CDH8: variants seen among roughly 807,000 people sequenced by gnomAD.
The protein encoded by CDH8 is cadherin-8.
CDH8 carries 17 observed loss-of-function variants against 68.1 expected under a neutral mutation model. The observed-to-expected ratio is 0.25, with a 90% CI of 0.17 to 0.37. The LOEUF (loss-of-function observed/expected upper bound fraction) is 0.37. CDH8 is among the 10% of genes least tolerant of loss of function. The pLI, the probability that CDH8 is intolerant of heterozygous loss-of-function variation, is 1.00. For missense variants in CDH8, 763 were observed against 999.3 expected, an observed-to-expected ratio of 0.76 and a Z score of 3.19; for synonymous variants, 372 against 365.1, an observed-to-expected ratio of 1.02 and a Z score of -0.21.
chr16:62,028,705 GC>G (rs1306662835), intron 1 of CDH8, among the ~76,000 whole-genome samples: 3 of 150,474 alleles, frequency 2.0e-5, no homozygotes, highest in Non-Finnish European at 1.5e-5. Flanking sequence ...CTTCTGTTGG[GC>G]TTTTTAAAGG....
intron 4 of CDH8, among the ~76,000 whole-genome samples, chr16:61,835,311 C>T (rs1329735375): frequency 6.6e-6 from 1 of 151,848 alleles, no homozygotes; most frequent in Non-Finnish European, 1.5e-5. Flanking sequence ...TATTCTTAGA[C>T]TAAAAAAACT....
chr16:61,655,254 GA>G (rs1157616373), intron 11 of CDH8, among the ~76,000 whole-genome samples: 2 of 152,098 alleles, frequency 1.3e-5, no homozygotes, highest in African/African-American at 4.8e-5. Context: ...TGATGGAATT[GA>G]AAAAGGCACT....
At chr16:61,732,122 G>A (rs551842116) in intron 8 of CDH8, among the ~76,000 whole-genome samples, 17 of 151,452 alleles carry the variant, frequency 1.1e-4, no homozygotes, top group African/African-American at 3.6e-4. Flanking sequence ...GTGAAATATG[G>A]GACACCATTA....
chr16:61,716,383 C>T (rs1322852692), intron 9 of CDH8, among the ~76,000 whole-genome samples: 1 of 151,656 alleles, frequency 6.6e-6, no homozygotes, highest in Non-Finnish European at 1.5e-5. Context: ...GAAGTCTGGT[C>T]TAAACATCAC....
chr16:61,950,315 G>T (rs1964872726), intron 2 of CDH8, among the ~76,000 whole-genome samples: 1 of 152,156 alleles, frequency 6.6e-6, no homozygotes, highest in Non-Finnish European at 1.5e-5. Flanking sequence ...TTTTAGCTGA[G>T]AAGCAGCTCT....
chr16:61,935,647 T>C (rs1597076348), intron 2 of CDH8, among the ~76,000 whole-genome samples: 1 of 152,214 alleles, frequency 6.6e-6, no homozygotes, highest in African/African-American at 2.4e-5. Context: ...TTCATTTTTC[T>C]CTTTGGCTTT....
At chr16:61,879,953 T>C (rs1963538853) in intron 3 of CDH8, among the ~76,000 whole-genome samples, 1 of 151,796 alleles carries the variant, frequency 6.6e-6, no homozygotes, top group Non-Finnish European at 1.5e-5. Context: ...TGAGACAGAG[T>C]CTTGCTCTGT....
intron 2 of CDH8, among the ~76,000 whole-genome samples, chr16:61,908,981 T>C (rs1964112412): frequency 6.6e-6 from 1 of 152,100 alleles, no homozygotes; most frequent in Non-Finnish European, 1.5e-5. Flanking sequence ...AATTCTCATA[T>C]TATACCAAAG....
rs1596845282 is a variant in CDH8 at position 61,665,758 on chromosome 16, T to TCCTA, written c.1655-10038_1655-10037insTAGG. Among the ~76,000 whole-genome samples the TCCTA allele has an allele frequency of 8.0e-5, 5 of 62,168 alleles. No individual in the cohort carries two copies. In the East Asian group the frequency reaches 2.4e-3, roughly 30 times the overall value. The allele number at this position is 62,168 out of a possible 152,430, so 40.8% of individuals were successfully genotyped here. A position where few individuals can be genotyped will look rare whatever the true frequency, so the allele number is the denominator to read the frequency against. On this transcript the variant is annotated intron_variant, in intron 10 of 11. Transcript: ENST00000577390. ...TCCCACAGTCTGAATTTATTTTCCT[T>TCCTA]CCTTCCTTCCTTCCTTCCTTCCTTC...
chr16:61,720,377 G>C (rs1275592931), intron 9 of CDH8, among the ~76,000 whole-genome samples: 1 of 150,930 alleles, frequency 6.6e-6, no homozygotes, highest in African/African-American at 2.4e-5. Context: ...GCGTATTCAG[G>C]TTTCCTACCT....
intron 7 of CDH8, among the ~76,000 whole-genome samples, chr16:61,790,599 C>T (rs1428745083): frequency 6.6e-6 from 1 of 151,992 alleles, no homozygotes; most frequent in East Asian, 1.9e-4. Context: ...GAAGCATGGT[C>T]CATGCCAGTT....
chr16:61,873,269 T>C (rs1963402289), intron 3 of CDH8, among the ~76,000 whole-genome samples: 1 of 152,184 alleles, frequency 6.6e-6, no homozygotes, highest in Non-Finnish European at 1.5e-5. Flanking sequence ...GTTGAAGTTT[T>C]TTCAACCACT....
At position 61,931,074 on chromosome 16, in the gene CDH8, T is replaced by A. The variant is rs77490783; in HGVS notation, c.253-29601A>T. 8.4e-3 allele frequency among the ~76,000 whole-genome samples: 1,282 copies of A among 152,376 alleles called. 16 individuals are homozygous for A. The highest frequency in any genetic ancestry group is 0.029 in the African/African-American group (1,203 of 41,586). On this transcript the variant is annotated intron_variant, in intron 2 of 11. Coordinates refer to ENST00000577390, the MANE Select transcript of CDH8 (RefSeq NM_001796.5). ...CTGCAGCATTTTCTGTGTATTTGAT[T>A]ACACCATTTCGAAATTGTGAGATAT...
intron 10 of CDH8, among the ~76,000 whole-genome samples, chr16:61,712,381 A>G (rs1164905135): frequency 6.6e-6 from 1 of 151,704 alleles, no homozygotes; most frequent in Non-Finnish European, 1.5e-5. Context: ...TACAGGAAAC[A>G]CTAAGGATCT....
intron 8 of CDH8, among the ~76,000 whole-genome samples, chr16:61,755,095 A>G (rs1960277523): frequency 6.6e-6 from 1 of 152,216 alleles, no homozygotes; most frequent in South Asian, 2.1e-4. Context: ...TATAGGAGAT[A>G]CAAGGCAAAC....
At chr16:61,883,611 T>C (rs990932916) in intron 3 of CDH8, among the ~76,000 whole-genome samples, 1 of 151,280 alleles carries the variant, frequency 6.6e-6, no homozygotes, top group South Asian at 2.1e-4. Context: ...TAAAAACAAG[T>C]ATAGCAGTTT....
intron 3 of CDH8, among the ~76,000 whole-genome samples, chr16:61,876,111 G>A (rs1214576696): frequency 1.3e-5 from 2 of 152,034 alleles, no homozygotes. Context: ...TCCTGACCTC[G>A]TGATCCACCC....
At chr16:61,717,211 A>G (rs117925298) in intron 9 of CDH8, among the ~76,000 whole-genome samples, 3,527 of 151,744 alleles carry the variant, frequency 0.023, 69 homozygotes, top group Non-Finnish European at 0.035. Flanking sequence ...TTCATAATTT[A>G]TTGTTGAAAT....
intron 8 of CDH8, among the ~76,000 whole-genome samples, chr16:61,769,015 T>C (rs1415090005): frequency 1.3e-5 from 2 of 151,714 alleles, no homozygotes; most frequent in African/African-American, 2.4e-5. Context: ...TTTACCATAT[T>C]GTAAGTTGAA....
Sources: gnomAD v4.1 joint callset for allele counts (sites outside exome capture counted in the v4.1 genomes callset) on GRCh38, gnomAD v4.1.1 for gene constraint, MANE v1.5 for transcripts, NCBI Gene and HGNC (gene_info 2026-07-23, HGNC 2026-07-21) for gene names.